The following KCNE4 variants were observed in gnomAD, a reference collection of about 807,000 sequenced individuals.
KCNE4 encodes the protein potassium voltage-gated channel subfamily E regulatory subunit 4, also known as potassium voltage-gated channel subfamily E member 4.
KCNE4 carries 6 observed loss-of-function variants against 9.2 expected under a neutral mutation model. The observed-to-expected ratio is 0.65, with a 90% CI of 0.36 to 1.29. The LOEUF (loss-of-function observed/expected upper bound fraction) is 1.29. Among genes scored for constraint, KCNE4 ranks in the 50% most tolerant of loss-of-function variants. The probability of loss-of-function intolerance (pLI) is 0.03; values close to 1 mark genes in which losing one functional copy is unlikely to be tolerated. For missense variants in KCNE4, 222 were observed against 228.8 expected (o/e 0.97, Z 0.19); for synonymous variants, 115 against 103.2 (o/e 1.11, Z -0.70).
Position 223,052,863 on chromosome 2 carries a change from C to A in KCNE4, c.33C>A (p.His11Gln), listed in dbSNP as rs1698713865. 3 of 1,613,450 alleles carry A rather than the reference C, an allele frequency of 1.9e-6. No homozygotes were observed. Among genetic ancestry groups the A allele is most frequent in the Non-Finnish European group, 2.5e-6 (3 of 1,179,966 alleles). MLKMEPLNSTHPGTAASSSPL... is the reference protein window; with the variant it reads MLKMEPLNSTQPGTAASSSPL... ...AAATGGAGCCTCTGAACAGCACGCA[C>A]CCCGGCACCGCCGCCTCCAGCAGCC... The change falls in exon 2 of 2, where the codon CAC becomes CAA. Residue 11 changes from histidine (H) to glutamine (Q), a missense_variant. Physicochemically the swap from His to Gln is conservative, Grantham distance 24 (BLOSUM62 0). Coordinates refer to ENST00000281830, the MANE Select transcript of KCNE4 (RefSeq NM_080671.4).
Position 223,053,112 on chromosome 2 carries a change from G to T in KCNE4, c.282G>T (p.Arg94Ser), listed in dbSNP as rs1407693613. 1 of 1,613,682 alleles carries T rather than the reference G, an allele frequency of 6.2e-7. No homozygotes were observed. Among genetic ancestry groups the T allele is most frequent in the Non-Finnish European group, 8.5e-7 (1 of 1,179,930 alleles). ...MKPLPVVSGL[R>S]SVQVPLMLNM... is the part of the protein sequence containing the mutation. ...CGCTGCCTGTGGTGTCGGGCCTGAGGTCGGTGCAGGTGCCCCTGATGCTGA... is the reference window on the plus strand; with the variant it reads ...CGCTGCCTGTGGTGTCGGGCCTGAGTTCGGTGCAGGTGCCCCTGATGCTGA... Residue 94 changes from arginine to serine, a missense_variant, in exon 2 of 2, where the codon AGG becomes AGT. Coordinates refer to ENST00000281830, the MANE Select transcript of KCNE4 (RefSeq NM_080671.4). The surrounding 1 kb of genome is among the most constrained non-coding windows in gnomAD (Gnocchi z 4.1).
rs1213881489 is a variant in KCNE4, at chr2:223,053,090, T to C, written c.260T>C (p.Leu87Pro). 6.2e-7 allele frequency: 1 copy of C among 1,614,002 alleles called. No homozygotes were observed. The highest frequency in any genetic ancestry group is 2.2e-5 in the East Asian group (1 of 44,872). ...CTCTGGGGGGAGGCCATGAAGCCGC[T>C]GCCTGTGGTGTCGGGCCTGAGGTCG... The part of the protein sequence containing the change: ...ERLWGEAMKP[L>P]PVVSGLRSVQ... The change falls in exon 2 of 2, where the codon CTG becomes CCG. Residue 87 changes from leucine (L) to proline (P), a missense_variant. Physicochemically the swap from Leu to Pro is moderately conservative, Grantham distance 98 (BLOSUM62 -3). Coordinates refer to ENST00000281830, the MANE Select transcript of KCNE4 (RefSeq NM_080671.4). The surrounding 1 kb of genome is among the most constrained non-coding windows in gnomAD (Gnocchi z 4.1).
In KCNE4 at chr2:223,053,405, T is replaced by A; in HGVS notation, c.*62T>A. 1 of 1,488,482 alleles carries A rather than the reference T, an allele frequency of 6.7e-7. No individual in the cohort carries two copies. Among genetic ancestry groups the A allele is most frequent in the Non-Finnish European group, 9.2e-7 (1 of 1,082,540 alleles). The allele number at this position is 1,488,482 out of a possible 1,614,324, so 92.2% of individuals were successfully genotyped here. ...GCAACCTTAGAGAGAGGAAAGACAG[T>A]TTTCAAGTGTCTGGTTTCACTTTCA... On this transcript the variant is annotated 3_prime_UTR_variant, in exon 2 of 2. Transcript: ENST00000281830. The surrounding 1 kb of genome is among the most constrained non-coding windows in gnomAD (Gnocchi z 4.1).
chr2:223,053,057 A>G lies in KCNE4; in HGVS notation c.227A>G (p.Glu76Gly). Residue 76 changes from glutamate (E) to glycine (G), a missense_variant, in exon 2 of 2, where the codon GAG becomes GGG. By Grantham distance (98) the Glu-to-Gly change is moderately conservative. Transcript: ENST00000281830. The surrounding 1 kb of genome is among the most constrained non-coding windows in gnomAD (Gnocchi z 4.1). ...AGCCTCCTGCTGCTGTACAAAGACG[A>G]GGAGCGGCTCTGGGGGGAGGCCATG... The part of the protein sequence containing the change: ...KSSLLLLYKD[E>G]ERLWGEAMKP... 1.2e-6 allele frequency: 2 copies of G among 1,614,108 alleles called. No individual in the cohort carries two copies. The highest frequency in any genetic ancestry group is 1.7e-6 in the Non-Finnish European group (2 of 1,180,006).
rs1270756139 is a variant in KCNE4, at chr2:223,053,479, G to A, written c.*136G>A. On this transcript the variant is annotated 3_prime_UTR_variant, in exon 2 of 2. Coordinates refer to ENST00000281830, the MANE Select transcript of KCNE4 (RefSeq NM_080671.4). The surrounding 1 kb of genome is among the most constrained non-coding windows in gnomAD (Gnocchi z 4.1). Reference sequence around the variant, plus strand: ...GACCCTTGGTAAACCCCTGATTCGGGGTGGGGTGGGGGACTAGGCTCAGCC... The same window carrying A: ...GACCCTTGGTAAACCCCTGATTCGGAGTGGGGTGGGGGACTAGGCTCAGCC... The A allele has an allele frequency of 1.1e-6, 1 of 943,316 alleles. No homozygotes were observed. The highest frequency in any genetic ancestry group is 1.6e-5 in the African/African-American group (1 of 61,812). 58.4% of individuals were successfully genotyped at this position (943,316 alleles called of 1,614,324 possible).
rs891495886 is a variant in KCNE4 at position 223,052,888 on chromosome 2, C to A, written c.58C>A (p.Pro20Thr). The change falls in exon 2 of 2, where the codon CCC becomes ACC. Residue 20 changes from proline (P) to threonine (T), a missense_variant. Physicochemically the swap from Pro to Thr is conservative, Grantham distance 38 (BLOSUM62 -1). Transcript: ENST00000281830. ...CCCCGGCACCGCCGCCTCCAGCAGC[C>A]CCCTGGAGTCCCGTGCGGCCGGCGG... is the stretch of plus-strand genomic sequence containing the variant. ...THPGTAASSS[P>T]LESRAAGGGS... 3 of 1,614,006 alleles carry A rather than the reference C, an allele frequency of 1.9e-6. No individual in the cohort carries two copies. Among genetic ancestry groups the A allele is most frequent in the East Asian group, 2.2e-5 (1 of 44,856 alleles).
At position 223,055,217 on chromosome 2, in the gene KCNE4, T is replaced by G. The variant is rs768222699; in HGVS notation, c.*1874T>G. 1 of 166,902 alleles carries G rather than the reference T, an allele frequency of 6.0e-6. No individual in the cohort carries two copies. The highest frequency in any genetic ancestry group is 1.9e-4 in the East Asian group (1 of 5,194). 10.3% of individuals were successfully genotyped at this position (166,902 alleles called of 1,614,324 possible). On this transcript the variant is annotated 3_prime_UTR_variant, in exon 2 of 2. Transcript: ENST00000281830. ...GGATTGGAGACACAGCAATAACTAC[T>G]GTTGCCATGGAAGGGTTAACAGTGT...
In KCNE4 at chr2:223,053,839, G is replaced by A. The variant is rs1035647055; in HGVS notation, c.*496G>A. The A allele has an allele frequency of 5.7e-6, 1 of 174,974 alleles. No individual in the cohort carries two copies. 10.8% of individuals were successfully genotyped at this position (174,974 alleles called of 1,614,324 possible). On this transcript the variant is annotated 3_prime_UTR_variant, in exon 2 of 2. Coordinates refer to ENST00000281830, the MANE Select transcript of KCNE4 (RefSeq NM_080671.4). The surrounding 1 kb of genome is among the most constrained non-coding windows in gnomAD (Gnocchi z 4.1). ...GGCATTCCTTCACAGTGGGTTACAA[G>A]CTTCTTTTGGATTAGAGGGGGATTT...
rs1327438193 is a variant in KCNE4, at chr2:223,054,439, T to G, written c.*1096T>G. The G allele has an allele frequency of 6.0e-6, 1 of 167,112 alleles. No homozygotes were observed. Among genetic ancestry groups the G allele is most frequent in the Non-Finnish European group, 1.5e-5 (1 of 68,122 alleles). 10.4% of individuals were successfully genotyped at this position (167,112 alleles called of 1,614,324 possible). The stretch of plus-strand genomic sequence containing the variant: ...AGGATGTCTTTAGATTTTAGGACTC[T>G]GTGATAAATATTCCACAGCCTGGTG... On this transcript the variant is annotated 3_prime_UTR_variant, in exon 2 of 2. Transcript: ENST00000281830.
Position 223,055,263 on chromosome 2 carries a change from G to A in KCNE4, c.*1920G>A, listed in dbSNP as rs1372082665. 2.4e-5 allele frequency: 4 copies of A among 166,880 alleles called. No individual in the cohort carries two copies. The highest frequency in any genetic ancestry group is 1.5e-5 in the Non-Finnish European group (1 of 68,100). The allele number at this position is 166,880 out of a possible 1,614,324, so 10.3% of individuals were successfully genotyped here. A position where few individuals can be genotyped will look rare whatever the true frequency, so the allele number is the denominator to read the frequency against. On this transcript the variant is annotated 3_prime_UTR_variant, in exon 2 of 2. Coordinates refer to ENST00000281830, the MANE Select transcript of KCNE4 (RefSeq NM_080671.4). Reference sequence around the variant, plus strand: ...AGTGTAGGAGCTGGTTTATCAGTCCGCTTTGACATACAGCTAAAGGAAATT... The same window carrying A: ...AGTGTAGGAGCTGGTTTATCAGTCCACTTTGACATACAGCTAAAGGAAATT...
rs1698746607 is a variant in KCNE4, at chr2:223,055,102, C to G, written c.*1759C>G. 6.2e-6 allele frequency: 1 copy of G among 161,864 alleles called. No individual in the cohort carries two copies. The highest frequency in any genetic ancestry group is 1.5e-5 in the Non-Finnish European group (1 of 68,084). 10.0% of individuals were successfully genotyped at this position (161,864 alleles called of 1,614,324 possible). On this transcript the variant is annotated 3_prime_UTR_variant, in exon 2 of 2. Coordinates refer to ENST00000281830, the MANE Select transcript of KCNE4 (RefSeq NM_080671.4). Reference sequence around the variant, plus strand: ...CAAACTCCTGGCCTTAAATGATCCTCCCACCTCGGCCTCCCAAAGTGCTGG... The same window carrying G: ...CAAACTCCTGGCCTTAAATGATCCTGCCACCTCGGCCTCCCAAAGTGCTGG...
rs558777214 is a variant in KCNE4 at position 223,054,804 on chromosome 2, A to T, written c.*1461A>T. 1.8e-5 allele frequency: 3 copies of T among 166,864 alleles called. No homozygotes were observed. The highest frequency in any genetic ancestry group is 7.2e-5 in the African/African-American group (3 of 41,588). The allele number at this position is 166,864 out of a possible 1,614,324, so 10.3% of individuals were successfully genotyped here. A position where few individuals can be genotyped will look rare whatever the true frequency, so the allele number is the denominator to read the frequency against. On this transcript the variant is annotated 3_prime_UTR_variant, in exon 2 of 2. Transcript: ENST00000281830. The stretch of plus-strand genomic sequence containing the variant: ...AGGCCCTTAAAGACAAGGAGGAAGT[A>T]AAAGGTCAAATTTAAATCTATTTAA...
chr2:223,052,729 G>C, intron 1 of KCNE4, 79 bp from the exon 2 acceptor site: 1 of 1,511,486 alleles, frequency 6.6e-7, no homozygotes, highest in Non-Finnish European at 8.9e-7. Flanking sequence ...TGGTATTGCA[G>C]TTCCACAAAC....
Position 223,052,229 on chromosome 2 carries a change from C to T in KCNE4, c.-69C>T, listed in dbSNP as rs1698704983. On this transcript the variant is annotated 5_prime_UTR_variant, in exon 1 of 2. Transcript: ENST00000281830. ...GACAGAGCAGAAGAACCCTCTTGGA[C>T]TGGACGATTTGGGAATTCAAAACTT... 1.3e-5 allele frequency: 16 copies of T among 1,235,368 alleles called. No individual in the cohort carries two copies. Among genetic ancestry groups the T allele is most frequent in the Non-Finnish European group, 1.6e-5 (16 of 990,358 alleles). The allele number at this position is 1,235,368 out of a possible 1,614,324, so 76.5% of individuals were successfully genotyped here.
chr2:223,053,409 C>A lies in KCNE4; in HGVS notation c.*66C>A. On this transcript the variant is annotated 3_prime_UTR_variant, in exon 2 of 2. Coordinates refer to ENST00000281830, the MANE Select transcript of KCNE4 (RefSeq NM_080671.4). The surrounding 1 kb of genome is among the most constrained non-coding windows in gnomAD (Gnocchi z 4.1). ...CCTTAGAGAGAGGAAAGACAGTTTT[C>A]AAGTGTCTGGTTTCACTTTCACAGT... 6.8e-7 allele frequency: 1 copy of A among 1,468,076 alleles called. No homozygotes were observed. The allele number at this position is 1,468,076 out of a possible 1,614,324, so 90.9% of individuals were successfully genotyped here.
At position 223,053,508 on chromosome 2, in the gene KCNE4, A is replaced by G. The variant is rs1698726683; in HGVS notation, c.*165A>G. 1.1e-5 allele frequency: 8 copies of G among 742,934 alleles called. No homozygotes were observed. Among genetic ancestry groups the G allele is most frequent in the Non-Finnish European group, 1.9e-5 (8 of 429,748 alleles). The allele number at this position is 742,934 out of a possible 1,614,324, so 46.0% of individuals were successfully genotyped here. ...GGGTGGGGGACTAGGCTCAGCCGGA[A>G]CCAGCACCTCCAAGGAGTCCGGGAG... On this transcript the variant is annotated 3_prime_UTR_variant, in exon 2 of 2. Coordinates refer to ENST00000281830, the MANE Select transcript of KCNE4 (RefSeq NM_080671.4). This position sits in a 1 kb window ranked among gnomAD's most constrained non-coding sequence, Gnocchi z 4.1.
chr2:223,053,037 C>T lies in KCNE4; in HGVS notation c.207C>T (p.Leu69=). The T allele has an allele frequency of 6.2e-7, 1 of 1,614,204 alleles. No homozygotes were observed. Among genetic ancestry groups the T allele is most frequent in the Non-Finnish European group, 8.5e-7 (1 of 1,180,036 alleles). ...KSKRREKKSS[L]LLLYKDEERL... ...AGAGGCGGGAGAAGAAGTCCAGCCT[C>T]CTGCTGCTGTACAAAGACGAGGAGC... is the stretch of plus-strand genomic sequence containing the variant. The change falls in exon 2 of 2, where the codon CTC becomes CTT. Residue 69 remains leucine, a synonymous_variant. Transcript: ENST00000281830. The surrounding 1 kb of genome is among the most constrained non-coding windows in gnomAD (Gnocchi z 4.1).
At position 223,054,665 on chromosome 2, in the gene KCNE4, A is replaced by G. The variant is rs949515005; in HGVS notation, c.*1322A>G. 2 of 167,034 alleles carry G rather than the reference A, an allele frequency of 1.2e-5. No homozygotes were observed. The highest frequency in any genetic ancestry group is 4.8e-5 in the African/African-American group (2 of 41,428). 10.3% of individuals were successfully genotyped at this position (167,034 alleles called of 1,614,324 possible). ...TTCTCCTCTGCAAAGTTCTCTGGAG[A>G]ATGTGTGATGTTAACACTCCCAGCT... On this transcript the variant is annotated 3_prime_UTR_variant, in exon 2 of 2. Transcript: ENST00000281830.
rs1698749624 is a variant in KCNE4 at position 223,055,222 on chromosome 2, C to T, written c.*1879C>T. The T allele has an allele frequency of 6.0e-6, 1 of 166,682 alleles. No individual in the cohort carries two copies. The allele number at this position is 166,682 out of a possible 1,614,324, so 10.3% of individuals were successfully genotyped here. On this transcript the variant is annotated 3_prime_UTR_variant, in exon 2 of 2. Coordinates refer to ENST00000281830, the MANE Select transcript of KCNE4 (RefSeq NM_080671.4). ...GGAGACACAGCAATAACTACTGTTGCCATGGAAGGGTTAACAGTGTAGGAG... is the reference window on the plus strand; with the variant it reads ...GGAGACACAGCAATAACTACTGTTGTCATGGAAGGGTTAACAGTGTAGGAG...
Sources: allele counts gnomAD v4.1 joint callset, GRCh38; gene constraint gnomAD v4.1.1; non-coding constraint Gnocchi (gnomAD v3.1); transcripts MANE v1.5; gene names NCBI Gene and HGNC (gene_info 2026-07-23, HGNC 2026-07-21).